ACSS3: variants seen among roughly 807,000 people sequenced by gnomAD.
The protein encoded by ACSS3 is acyl-CoA synthetase short chain family member 3, also known as acyl-CoA synthetase short-chain family member 3, mitochondrial.
ACSS3 carries 64 observed loss-of-function variants against 84.2 expected under a neutral mutation model. The ratio of observed to expected loss-of-function variants is 0.76; its 90% CI spans 0.62 to 0.94. ACSS3 has a LOEUF of 0.94. ACSS3 is among the 40% of genes least tolerant of loss of function. The pLI is 0.00. For synonymous variants in ACSS3, 317 were observed against 310.1 expected, an observed-to-expected ratio of 1.02 and a Z score of -0.23; for missense variants, 815 against 867.6, an observed-to-expected ratio of 0.94 and a Z score of 0.76.
rs1352666652 is a variant in ACSS3, at chr12:81,260,340, CA to C, written c.*5424del. The C allele has an allele frequency of 2.0e-5, 3 of 151,998 alleles. No homozygotes were observed. Among genetic ancestry groups the C allele is most frequent in the Non-Finnish European group, 1.5e-5 (1 of 67,976 alleles). The allele number at this position is 151,998 out of a possible 1,614,324, so 9.4% of individuals were successfully genotyped here. A position where few individuals can be genotyped will look rare whatever the true frequency, so the allele number is the denominator to read the frequency against. On this transcript the variant is annotated 3_prime_UTR_variant, in exon 16 of 16. Transcript: ENST00000548058. ...GAAATATGAACTAGAATGTCATGCA[CA>C]AAAAACAGATTGCAAATAGAGTAAC...
chr12:81,097,018 G>A (rs547223330), intron 1 of ACSS3, among the ~76,000 whole-genome samples: 42 of 152,298 alleles, frequency 2.8e-4, no homozygotes, highest in South Asian at 1.5e-3. Flanking sequence ...CATTAGCCAA[G>A]TGTGGCTATT....
chr12:81,199,425 A>G lies in ACSS3; in HGVS notation c.1335A>G (p.Leu445=), dbSNP rs146293738. 8.5e-4 allele frequency: 1,377 copies of G among 1,613,326 alleles called. 1 individual carries two copies. The highest frequency in any genetic ancestry group is 1.1e-3 in the Non-Finnish European group (1,277 of 1,179,592). The part of the protein sequence containing the change: ...WSKNVFRVPV[L]DHWWQTETGS... ...AAAATGTCTTCAGAGTACCTGTCTTAGACCATTGGTGGCAAACTGGTAAGC... is the reference window on the plus strand; with the variant it reads ...AAAATGTCTTCAGAGTACCTGTCTTGGACCATTGGTGGCAAACTGGTAAGC... The change falls in exon 9 of 16, where the codon TTA becomes TTG. Residue 445 remains leucine, a synonymous_variant. Coordinates refer to ENST00000548058, the MANE Select transcript of ACSS3 (RefSeq NM_024560.4).
chr12:81,221,531 G>A (rs1220878943), intron 11 of ACSS3, among the ~76,000 whole-genome samples: 1 of 152,054 alleles, frequency 6.6e-6, no homozygotes, highest in African/African-American at 2.4e-5. Flanking sequence ...AAGCATACAA[G>A]TTATGATGTA....
intron 13 of ACSS3, among the ~76,000 whole-genome samples, chr12:81,236,477 AT>A (rs1395034768): frequency 6.7e-6 from 1 of 150,316 alleles, no homozygotes; most frequent in Non-Finnish European, 1.5e-5. Flanking sequence ...ATCTTTTTTC[AT>A]TTTTTCATTT....
chr12:81,193,878 A>G (rs1215197350), intron 8 of ACSS3, among the ~76,000 whole-genome samples: 6 of 151,928 alleles, frequency 3.9e-5, no homozygotes, highest in African/African-American at 1.2e-4. Context: ...TAGAACATAC[A>G]TAATTAACTT....
At chr12:81,233,615 C>T in intron 13 of ACSS3, 144 bp downstream of exon 13, 1 of 1,017,672 alleles carries the variant, frequency 9.8e-7, no homozygotes, top group African/African-American at 1.6e-5. Context: ...TCTCTCCCAC[C>T]TCACTTTCTC....
chr12:81,189,734 C>T (rs2031469230), intron 8 of ACSS3, among the ~76,000 whole-genome samples: 1 of 152,000 alleles, frequency 6.6e-6, no homozygotes, highest in African/African-American at 2.4e-5. Flanking sequence ...TTGATTACTG[C>T]TTTTCAAGTC....
intron 2 of ACSS3, among the ~76,000 whole-genome samples, chr12:81,111,364 A>C (rs1017533439): frequency 6.6e-6 from 1 of 152,088 alleles, no homozygotes; most frequent in Admixed American, 6.6e-5. Context: ...CAAAGAAGAG[A>C]CCCAGAGCCC....
At chr12:81,078,816 T>A (rs1880788382) in intron 1 of ACSS3, among the ~76,000 whole-genome samples, 1 of 152,144 alleles carries the variant, frequency 6.6e-6, no homozygotes, top group Non-Finnish European at 1.5e-5. Flanking sequence ...CTAAGTATCC[T>A]CCTACTATGG....
intron 13 of ACSS3, among the ~76,000 whole-genome samples, chr12:81,241,246 T>G (rs1000788156): frequency 6.6e-6 from 1 of 152,110 alleles, no homozygotes; most frequent in Non-Finnish European, 1.5e-5. Context: ...TATTGGACAT[T>G]TGGGTTGGTT....
At chr12:81,252,615 A>G (rs1168355171) in intron 13 of ACSS3, among the ~76,000 whole-genome samples, 2 of 152,120 alleles carry the variant, frequency 1.3e-5, no homozygotes, top group Admixed American at 6.6e-5. Context: ...ATATATATAT[A>G]TATTAACCCT....
At chr12:81,081,349 C>G (rs1445411195) in intron 1 of ACSS3, among the ~76,000 whole-genome samples, 1 of 152,170 alleles carries the variant, frequency 6.6e-6, no homozygotes, top group Non-Finnish European at 1.5e-5. Flanking sequence ...AAAAACAAAT[C>G]CAAATTACAG....
chr12:81,250,979 C>T (rs192308214), intron 13 of ACSS3, among the ~76,000 whole-genome samples: 152 of 152,234 alleles, frequency 1.0e-3, no homozygotes, highest in African/African-American at 3.2e-3. Context: ...CTTACTATCA[C>T]GACCTTAACC....
rs149626863 is a variant in ACSS3 at position 81,249,295 on chromosome 12, A to T, written c.1720-4012A>T. 9.4e-3 allele frequency among the ~76,000 whole-genome samples: 1,436 copies of T among 152,188 alleles called. 11 individuals carry two copies. The highest frequency in any genetic ancestry group is 0.011 in the Non-Finnish European group (748 of 67,908). ...TGGCTTTTCATGTGAAGAAACCTTC[A>T]GGCGTTTTCATACAAAGAAATGTAC... On this transcript the variant is annotated intron_variant, in intron 13 of 15. Transcript: ENST00000548058.
intron 13 of ACSS3, 121 bp from the exon 14 acceptor site, chr12:81,253,186 C>CT: frequency 8.9e-7 from 1 of 1,124,714 alleles, no homozygotes; most frequent in East Asian, 2.6e-5. Flanking sequence ...CTTACATGCA[C>CT]TTTTTTCCCC....
At chr12:81,253,757 C>A in intron 15 of ACSS3, 87 bp downstream of exon 15, 3 of 1,370,264 alleles carry the variant, frequency 2.2e-6, no homozygotes, top group South Asian at 1.4e-5. Flanking sequence ...AAATGGTTCT[C>A]AAATGTGAAT....
chr12:81,212,737 G>A (rs2032642988), intron 9 of ACSS3, among the ~76,000 whole-genome samples: 1 of 152,080 alleles, frequency 6.6e-6, no homozygotes, highest in Admixed American at 6.5e-5. Flanking sequence ...TTACTTCAGA[G>A]TCAGAAATTT....
intron 2 of ACSS3, among the ~76,000 whole-genome samples, chr12:81,119,994 T>C (rs142532131): frequency 2.0e-5 from 3 of 152,252 alleles, no homozygotes; most frequent in Non-Finnish European, 4.4e-5. Flanking sequence ...CTCCAGCTGG[T>C]CCCTCCATTT....
At chr12:81,195,830 C>T (rs147016189) in intron 8 of ACSS3, among the ~76,000 whole-genome samples, 4 of 152,098 alleles carry the variant, frequency 2.6e-5, no homozygotes, top group Admixed American at 1.3e-4. Context: ...TATCAGGACA[C>T]GCGAATTTTA....
Sources: gnomAD v4.1 joint callset for allele counts (sites outside exome capture counted in the v4.1 genomes callset) on GRCh38, gnomAD v4.1.1 for gene constraint, MANE v1.5 for transcripts, NCBI Gene and HGNC (gene_info 2026-07-23, HGNC 2026-07-21) for gene names.